The following EYA4 variants were observed in gnomAD, a reference collection of about 807,000 sequenced individuals.
EYA4 encodes protein phosphatase EYA4.
Under a neutral mutation model 87.9 loss-of-function variants are expected in EYA4, and 31 were observed. The observed-to-expected ratio is 0.35, with a 90% CI of 0.27 to 0.48. The LOEUF (loss-of-function observed/expected upper bound fraction) is 0.48. Among genes scored for constraint, EYA4 ranks in the 20% least tolerant of loss-of-function variants. EYA4 has a pLI of 0.99. For missense variants in EYA4, 678 were observed against 761.4 expected (o/e 0.89, Z 1.29); for synonymous variants, 263 against 270.6 (o/e 0.97, Z 0.28).
At chr6:133,512,130 C>T (rs1276668751) in intron 14 of EYA4, among the ~76,000 whole-genome samples, 1 of 152,194 alleles carries the variant, frequency 6.6e-6, no homozygotes, top group East Asian at 1.9e-4. Flanking sequence ...AAAAACTTGA[C>T]AAAAAGAAAA....
At chr6:133,273,262 C>G (rs186535353) in intron 1 of EYA4, among the ~76,000 whole-genome samples, 4 of 151,906 alleles carry the variant, frequency 2.6e-5, no homozygotes, top group African/African-American at 9.7e-5. Context: ...GCATCTAGCA[C>G]GGGAGAAAGA....
At chr6:133,476,938 G>T (rs1795793259) in intron 11 of EYA4, among the ~76,000 whole-genome samples, 2 of 152,002 alleles carry the variant, frequency 1.3e-5, no homozygotes, top group South Asian at 4.1e-4. Flanking sequence ...AATTGAATCA[G>T]GGGGGCAGTT....
chr6:133,495,944 T>C (rs1019541841), intron 13 of EYA4, among the ~76,000 whole-genome samples: 12 of 152,194 alleles, frequency 7.9e-5, no homozygotes, highest in Admixed American at 2.0e-4. Context: ...ATTAATAGTC[T>C]TTGAGAAAAG....
chr6:133,371,196 G>C (rs1187961603), intron 2 of EYA4, among the ~76,000 whole-genome samples: 5 of 152,108 alleles, frequency 3.3e-5, no homozygotes, highest in Non-Finnish European at 5.9e-5. Context: ...ACACAATTCA[G>C]GCGGAGAAAA....
At chr6:133,493,112 G>A (rs935440812) in intron 13 of EYA4, among the ~76,000 whole-genome samples, 1 of 152,086 alleles carries the variant, frequency 6.6e-6, no homozygotes, top group African/African-American at 2.4e-5. Context: ...AATTTATATG[G>A]AAACACAGAA....
chr6:133,444,809 G>A (rs1007430180), intron 3 of EYA4, among the ~76,000 whole-genome samples: 6 of 152,150 alleles, frequency 3.9e-5, no homozygotes, highest in African/African-American at 1.2e-4. Context: ...TCTGGGCAGC[G>A]TACTAAAGTA....
chr6:133,336,857 C>T (rs969196177), intron 2 of EYA4, among the ~76,000 whole-genome samples: 1 of 152,092 alleles, frequency 6.6e-6, no homozygotes, highest in Non-Finnish European at 1.5e-5. Context: ...ACTAATCTTT[C>T]AATTTTTTTG....
intron 1 of EYA4, among the ~76,000 whole-genome samples, chr6:133,270,873 A>G (rs1776632157): frequency 6.6e-6 from 1 of 152,170 alleles, no homozygotes; most frequent in South Asian, 2.1e-4. Context: ...CCCAGCCAAC[A>G]ATGTAACTCC....
At chr6:133,510,147 T>G (rs1799018568) in intron 14 of EYA4, among the ~76,000 whole-genome samples, 1 of 152,168 alleles carries the variant, frequency 6.6e-6, no homozygotes, top group Non-Finnish European at 1.5e-5. Context: ...TATGTACAAA[T>G]TAATCATGCG....
Position 133,373,359 on chromosome 6 carries a change from T to C in EYA4, c.34-9033T>C, listed in dbSNP as rs552736225. Among the ~76,000 whole-genome samples, 413 of 152,200 alleles carry C rather than the reference T, an allele frequency of 2.7e-3. 1 individual carries two copies. Among genetic ancestry groups the C allele is most frequent in the African/African-American group, 9.6e-3 (397 of 41,564 alleles). ...TAAAAAAATTTATAAAGATATAGAA[T>C]ATGTTGCGAAAAACATGAGCAAATT... On this transcript the variant is annotated intron_variant, in intron 2 of 19. Coordinates refer to ENST00000355286, the MANE Select transcript of EYA4 (RefSeq NM_004100.5).
At chr6:133,486,456 C>T (rs964881903) in intron 13 of EYA4, among the ~76,000 whole-genome samples, 1 of 151,822 alleles carries the variant, frequency 6.6e-6, no homozygotes, top group Non-Finnish European at 1.5e-5. Flanking sequence ...TAAACTAGAG[C>T]CCCTCAGACA....
In EYA4 at chr6:133,431,070, G is replaced by A. The variant is rs1791137637; in HGVS notation, c.84-15560G>A. ...AATCAAGTGCAGAGGTCCTCACCTG[G>A]GAACACATTGGGTGTGTTTGACAAA... is the stretch of plus-strand genomic sequence containing the variant. On this transcript the variant is annotated intron_variant, in intron 3 of 19. Coordinates refer to ENST00000355286, the MANE Select transcript of EYA4 (RefSeq NM_004100.5). Among the ~76,000 whole-genome samples the A allele has an allele frequency of 2.6e-5, 4 of 152,156 alleles. No homozygotes were observed. In the South Asian group the frequency reaches 8.3e-4, roughly 32 times the overall value.
chr6:133,479,368 A>G (rs1033601574), intron 11 of EYA4, among the ~76,000 whole-genome samples: 13 of 152,200 alleles, frequency 8.5e-5, no homozygotes, highest in African/African-American at 3.1e-4. Context: ...CATGAAATGA[A>G]CTATGCTGGC....
intron 16 of EYA4, 96 bp from the exon 17 acceptor site, chr6:133,515,225 A>G (rs1562508553): frequency 1.3e-6 from 1 of 765,694 alleles, no homozygotes; most frequent in Non-Finnish European, 2.4e-6. Context: ...ATATACTGAA[A>G]TAAAAATGAT....
intron 3 of EYA4, among the ~76,000 whole-genome samples, chr6:133,423,519 TAA>T (rs973840009): frequency 3.3e-5 from 5 of 152,266 alleles, no homozygotes; most frequent in African/African-American, 1.2e-4. Flanking sequence ...CATTGTTGTT[TAA>T]AGTTATAATT....
At chr6:133,482,844 A>G (rs1165147284) in intron 12 of EYA4, among the ~76,000 whole-genome samples, 188 bp from the exon 13 acceptor site, 1 of 152,150 alleles carries the variant, frequency 6.6e-6, no homozygotes, top group East Asian at 1.9e-4. Flanking sequence ...TATAATTTGT[A>G]TAATTCCTGC....
chr6:133,486,135 AT>A (rs922143629), intron 13 of EYA4, among the ~76,000 whole-genome samples: 4 of 152,136 alleles, frequency 2.6e-5, no homozygotes, highest in East Asian at 3.9e-4. Flanking sequence ...TTTAGGCTAT[AT>A]TTTTTTTAAT....
At chr6:133,466,390 A>ATGTTT (rs1461124280) in intron 10 of EYA4, among the ~76,000 whole-genome samples, 1 of 152,114 alleles carries the variant, frequency 6.6e-6, no homozygotes, top group Admixed American at 6.6e-5. Flanking sequence ...CCTGAGCACC[A>ATGTTT]GTTTGTTGTT....
intron 3 of EYA4, among the ~76,000 whole-genome samples, chr6:133,438,854 AAC>A (rs757717823): frequency 1.3e-5 from 2 of 151,966 alleles, no homozygotes; most frequent in Admixed American, 1.3e-4. Context: ...CATCCTGGCT[AAC>A]ACAGTGAAAT....
Sources: allele counts gnomAD v4.1 joint callset (sites outside exome capture counted in the v4.1 genomes callset), GRCh38; gene constraint gnomAD v4.1.1; transcripts MANE v1.5; gene names NCBI Gene and HGNC (gene_info 2026-07-23, HGNC 2026-07-21).